KDM1A: variants seen among roughly 807,000 people sequenced by gnomAD.
KDM1A encodes the protein lysine-specific histone demethylase 1A.
Under a neutral mutation model 109.4 loss-of-function variants are expected in KDM1A, and 49 were observed. The ratio of observed to expected loss-of-function variants is 0.45; its 90% CI spans 0.36 to 0.57. The LOEUF (loss-of-function observed/expected upper bound fraction) is 0.57, where lower values mean the gene tolerates loss of function less well. Ranked by LOEUF, KDM1A falls within the 20% of genes least tolerant of loss-of-function variation. KDM1A has a pLI of 0.00. For missense variants in KDM1A, 668 were observed against 1,116.6 expected (o/e 0.60, Z 5.73); for synonymous variants, 380 against 415.4 (o/e 0.91, Z 1.04).
intron 2 of KDM1A, among the ~76,000 whole-genome samples, chr1:23,042,905 C>A (rs987021818): frequency 1.3e-5 from 2 of 152,000 alleles, no homozygotes; most frequent in African/African-American, 4.8e-5. Flanking sequence ...AGCACCACCA[C>A]ACCTGGCTAA....
At position 23,044,238 on chromosome 1, in the gene KDM1A, C is replaced by G; in HGVS notation, c.518-189C>G. 3 of 537,016 alleles carry G rather than the reference C, an allele frequency of 5.6e-6. No individual in the cohort carries two copies. In the South Asian group the frequency reaches 6.1e-5, roughly 11 times the overall value. The allele number at this position is 537,016 out of a possible 1,614,324, so 33.3% of individuals were successfully genotyped here. ...CAAGAATCAACATGTAAAGTTGAAA[C>G]TTCCTGACCAGAATTTGGAAGACTA... On this transcript the variant is annotated intron_variant, in intron 2 of 20. Transcript: ENST00000400181.
chr1:23,048,754 CCTG>C (rs1642573994), intron 3 of KDM1A, among the ~76,000 whole-genome samples: 1 of 152,060 alleles, frequency 6.6e-6, no homozygotes, highest in South Asian at 2.1e-4. Flanking sequence ...AACATCTTTA[CCTG>C]CCTTGTTTTT....
chr1:23,058,508 G>A (rs375184872), intron 8 of KDM1A, among the ~76,000 whole-genome samples: 17 of 152,042 alleles, frequency 1.1e-4, no homozygotes, highest in Non-Finnish European at 2.1e-4. Context: ...GAGCCACAAC[G>A]CCCGGCCTTG....
At chr1:23,056,224 A>G (rs1014476662) in intron 7 of KDM1A, among the ~76,000 whole-genome samples, 186 bp downstream of exon 7, 2 of 152,054 alleles carry the variant, frequency 1.3e-5, no homozygotes, top group African/African-American at 4.8e-5. Flanking sequence ...TGCTTTGAAA[A>G]GTACTCTGTG....
At chr1:23,057,049 T>C (rs1173439729) in intron 7 of KDM1A, among the ~76,000 whole-genome samples, 4 of 152,010 alleles carry the variant, frequency 2.6e-5, no homozygotes, top group African/African-American at 9.7e-5. Flanking sequence ...CCCGCTAACT[T>C]TGGGGATCAG....
At chr1:23,021,772 C>T (rs1004171856) in intron 1 of KDM1A, among the ~76,000 whole-genome samples, 1 of 152,136 alleles carries the variant, frequency 6.6e-6, no homozygotes, top group Non-Finnish European at 1.5e-5. Flanking sequence ...ATTGTACAGC[C>T]AACACCACAA....
chr1:23,076,210 A>C (rs529638763), intron 15 of KDM1A, among the ~76,000 whole-genome samples: 2 of 152,284 alleles, frequency 1.3e-5, no homozygotes, highest in Middle Eastern at 6.8e-3. Context: ...ATTTTGATCT[A>C]ATTTCCCCAA....
intron 12 of KDM1A, among the ~76,000 whole-genome samples, chr1:23,070,235 G>T (rs1643278452): frequency 6.6e-6 from 1 of 152,218 alleles, no homozygotes; most frequent in African/African-American, 2.4e-5. Flanking sequence ...ACTTTGAGAG[G>T]CTGAGGCAGG....
chr1:23,033,778 G>T (rs1040980072), intron 2 of KDM1A, among the ~76,000 whole-genome samples: 5 of 152,134 alleles, frequency 3.3e-5, no homozygotes, highest in African/African-American at 1.2e-4. Context: ...AATAGCCTTG[G>T]TTGACTAAGC....
At chr1:23,080,120 G>T (rs1335877332) in intron 18 of KDM1A, among the ~76,000 whole-genome samples, 6 of 152,078 alleles carry the variant, frequency 3.9e-5, no homozygotes, top group African/African-American at 1.5e-4. Flanking sequence ...TGTAATATTT[G>T]TACCCCACCT....
rs1007877824 is a variant in KDM1A at position 23,019,521 on chromosome 1, C to G, written c.-76C>G. The G allele has an allele frequency of 3.0e-6, 4 of 1,314,090 alleles. No individual in the cohort carries two copies. The highest frequency in any genetic ancestry group is 6.3e-5 in the Admixed American group (2 of 31,966). The allele number at this position is 1,314,090 out of a possible 1,614,324, so 81.4% of individuals were successfully genotyped here. A position where few individuals can be genotyped will look rare whatever the true frequency, so the allele number is the denominator to read the frequency against. Reference sequence around the variant, plus strand: ...GGCGCGCGGGCAGCGTGAAGCGAGGCGAGGCAAGGCTTTTCGGACCCACGG... The same window carrying G: ...GGCGCGCGGGCAGCGTGAAGCGAGGGGAGGCAAGGCTTTTCGGACCCACGG... On this transcript the variant is annotated 5_prime_UTR_variant, in exon 1 of 21. Coordinates refer to ENST00000400181, the MANE Select transcript of KDM1A (RefSeq NM_001009999.3).
intron 10 of KDM1A, 117 bp downstream of exon 10, chr1:23,066,188 TTTG>T (rs1172090808): frequency 1.1e-5 from 8 of 740,876 alleles, no homozygotes; most frequent in Non-Finnish European, 1.6e-5. Flanking sequence ...TTCACACTGG[TTTG>T]TTGTTGTAGA....
intron 10 of KDM1A, among the ~76,000 whole-genome samples, chr1:23,068,081 G>A (rs1442280804): frequency 6.6e-6 from 1 of 152,102 alleles, no homozygotes; most frequent in Non-Finnish European, 1.5e-5. Flanking sequence ...ATCTTTGAGG[G>A]GAAGCCAGAT....
chr1:23,055,705 A>T (rs1642810660), intron 6 of KDM1A, among the ~76,000 whole-genome samples: 1 of 152,208 alleles, frequency 6.6e-6, no homozygotes, highest in Non-Finnish European at 1.5e-5. Flanking sequence ...AATAAATCTT[A>T]AGATAGTGGA....
intron 8 of KDM1A, among the ~76,000 whole-genome samples, chr1:23,058,208 T>C (rs961457285): frequency 3.3e-5 from 5 of 152,116 alleles, no homozygotes; most frequent in African/African-American, 1.2e-4. Flanking sequence ...TAATTCTTTG[T>C]AGAGATGAGG....
intron 8 of KDM1A, among the ~76,000 whole-genome samples, chr1:23,058,130 G>T (rs1374806479): frequency 1.3e-5 from 2 of 152,006 alleles, no homozygotes; most frequent in African/African-American, 4.8e-5. Context: ...ATGCTCAAAG[G>T]ATCCTCTCAC....
In KDM1A at chr1:23,081,529, C is replaced by T; in HGVS notation, c.2254C>T (p.Leu752=). The T allele has an allele frequency of 6.2e-7, 1 of 1,614,164 alleles. No homozygotes were observed. Among genetic ancestry groups the T allele is most frequent in the Non-Finnish European group, 8.5e-7 (1 of 1,180,016 alleles). The change falls in exon 19 of 21, where the codon CTG becomes TTG. Residue 752 remains leucine (L), a synonymous_variant. Transcript: ENST00000400181. ...ISDDVIVGRC[L]AILKGIFGSS... ...TGACGATGTGATTGTTGGCCGATGCCTGGCCATTCTCAAAGGGATTTTTGG... is the reference window on the plus strand; with the variant it reads ...TGACGATGTGATTGTTGGCCGATGCTTGGCCATTCTCAAAGGGATTTTTGG...
intron 1 of KDM1A, among the ~76,000 whole-genome samples, chr1:23,021,932 G>A (rs531076764): frequency 6.6e-6 from 1 of 152,268 alleles, no homozygotes; most frequent in East Asian, 1.9e-4. Context: ...AAAATCTTAT[G>A]TAGCCTTTTG....
intron 15 of KDM1A, among the ~76,000 whole-genome samples, chr1:23,075,963 T>C (rs904143518): frequency 3.3e-5 from 5 of 152,180 alleles, no homozygotes; most frequent in Non-Finnish European, 5.9e-5. Flanking sequence ...AAAAATTATT[T>C]TGACTTCTTA....
Sources: allele counts gnomAD v4.1 joint callset (sites outside exome capture counted in the v4.1 genomes callset), GRCh38; gene constraint gnomAD v4.1.1; transcripts MANE v1.5; gene names NCBI Gene and HGNC (gene_info 2026-07-23, HGNC 2026-07-21).